The following DCHS1 variants were observed in gnomAD, a reference collection of about 807,000 sequenced individuals.
DCHS1 encodes the protein protocadherin-16.
DCHS1 carries 78 observed loss-of-function variants against 213.9 expected under a neutral mutation model. The ratio of observed to expected loss-of-function variants is 0.36; its 90% CI spans 0.30 to 0.44. The LOEUF (loss-of-function observed/expected upper bound fraction) is 0.44. Among genes scored for constraint, DCHS1 ranks in the 20% least tolerant of loss-of-function variants. The probability of loss-of-function intolerance (pLI) is 1.00; values close to 1 mark genes in which losing one functional copy is unlikely to be tolerated. For missense variants in DCHS1, 3,946 were observed against 4,395.9 expected (o/e 0.90, Z 2.89); for synonymous variants, 1,828 against 1,873.7 (o/e 0.98, Z 0.63).
In DCHS1 at chr11:6,621,380, TGGGCAG is replaced by T. The variant is rs887467552; in HGVS notation, c.*393_*398del. ...CAGAGTGAGAAATGGCACTTGGTTC[TGGGCAG>T]GGGCAGGGGCAGGGGTGTCAGTGGA... On this transcript the variant is annotated 3_prime_UTR_variant, in exon 21 of 21. Transcript: ENST00000299441. The T allele has an allele frequency of 2.3e-5, 8 of 346,044 alleles. No individual in the cohort carries two copies. The highest frequency in any genetic ancestry group is 8.5e-5 in the African/African-American group (4 of 47,184). The allele number at this position is 346,044 out of a possible 1,614,324, so 21.4% of individuals were successfully genotyped here. A position where few individuals can be genotyped will look rare whatever the true frequency, so the allele number is the denominator to read the frequency against.
Position 6,649,583 on chromosome 11 carries a change from T to G in DCHS1, c.-121+5980A>C, listed in dbSNP as rs188529599. Among the ~76,000 whole-genome samples, 43 of 152,200 alleles carry G rather than the reference T, an allele frequency of 2.8e-4. No individual in the cohort carries two copies. In the East Asian group the frequency reaches 8.3e-3, roughly 29 times the overall value. ...GATAAATCTGTTATTCAACAAATAC[T>G]TGTTGAAGACTTACCATGTGCCAAA... On this transcript the variant is annotated intron_variant, in intron 1 of 20. Transcript: ENST00000299441.
chr11:6,653,470 G>A (rs187772801), intron 1 of DCHS1, among the ~76,000 whole-genome samples: 2 of 152,316 alleles, frequency 1.3e-5, no homozygotes, highest in Admixed American at 6.5e-5. Context: ...TCATCACAAT[G>A]CCTAGCAGAG....
At position 6,629,907 on chromosome 11, in the gene DCHS1, C is replaced by T; in HGVS notation, c.4800G>A (p.Ala1600=). The change falls in exon 11 of 21, where the codon GCG becomes GCA. Residue 1600 remains alanine, a synonymous_variant. Transcript: ENST00000299441. Reference sequence around the variant, plus strand: ...GGTCCAACGGCCGCACCACGGACAGCGCTCCTAGGTGAGCGGTAAGGCAGG... The same window carrying T: ...GGTCCAACGGCCGCACCACGGACAGTGCTCCTAGGTGAGCGGTAAGGCAGG... ...GHFRLHSSTG[A]LSVVRPLDRE... is the part of the protein sequence containing the mutation. 6.8e-6 allele frequency: 11 copies of T among 1,611,316 alleles called. No homozygotes were observed. The highest frequency in any genetic ancestry group is 9.3e-6 in the Non-Finnish European group (11 of 1,178,354).
chr11:6,630,769 G>C lies in DCHS1; in HGVS notation c.4025C>G (p.Ala1342Gly). 5.2e-6 allele frequency: 8 copies of C among 1,547,256 alleles called. No individual in the cohort carries two copies. The highest frequency in any genetic ancestry group is 6.1e-6 in the Non-Finnish European group (7 of 1,147,370). Residue 1342 changes from alanine to glycine, a missense_variant, in exon 10 of 21, where the codon GCT becomes GGT. This residue lies in a region of DCHS1 where 3,384 missense variants were observed against 3,780.1 expected (regional missense o/e 0.90). Transcript: ENST00000299441. ...PVPVVLTVTA[A>G]EGLRPGSLLG... ...CAGAGAGCCGGGCCGCAGTCCCTCA[G>C]CTGCTGTCACCGTCAGCACGACAGG...
In DCHS1 at chr11:6,621,332, CA is replaced by C; in HGVS notation, c.*446del. ...ATAGAACAAAGCTGGAGACTGGATA[CA>C]AATTGCAGTTTATTAAGGCTCCAGA... is the stretch of plus-strand genomic sequence containing the variant. On this transcript the variant is annotated 3_prime_UTR_variant, in exon 21 of 21. Transcript: ENST00000299441. The C allele has an allele frequency of 3.4e-6, 1 of 289,878 alleles. No individual in the cohort carries two copies. 18.0% of individuals were successfully genotyped at this position (289,878 alleles called of 1,614,324 possible).
At position 6,626,646 on chromosome 11, in the gene DCHS1, G is replaced by T. The variant is rs1335719744; in HGVS notation, c.6270C>A (p.Pro2090=). 2 of 1,613,804 alleles carry T rather than the reference G, an allele frequency of 1.2e-6. No individual in the cohort carries two copies. Among genetic ancestry groups the T allele is most frequent in the Non-Finnish European group, 8.5e-7 (1 of 1,179,872 alleles). The change falls in exon 15 of 21, where the codon CCC becomes CCA. Residue 2090 remains proline (P), a synonymous_variant. Coordinates refer to ENST00000299441, the MANE Select transcript of DCHS1 (RefSeq NM_003737.4). This position sits in a 1 kb window ranked among gnomAD's most constrained non-coding sequence, Gnocchi z 5.2. Reference sequence around the variant, plus strand: ...TTGTGCCTCCTGCATGGACGGCCCTGGGGGAGACAATAGGAGTCCCTGCAG... The same window carrying T: ...TTGTGCCTCCTGCATGGACGGCCCTTGGGGAGACAATAGGAGTCCCTGCAG... The part of the protein sequence containing the change: ...NAPPGTPIVS[P]RAVHAGGTNG...
chr11:6,639,857 G>A lies in DCHS1; in HGVS notation c.1757C>T (p.Ser586Leu), dbSNP rs779625894. 1.2e-6 allele frequency: 2 copies of A among 1,610,952 alleles called. No individual in the cohort carries two copies. The highest frequency in any genetic ancestry group is 1.1e-5 in the South Asian group (1 of 90,774). ...PQFQRTFYNASLPEGTQPGTC... is the reference protein window; with the variant it reads ...PQFQRTFYNALLPEGTQPGTC... ...TCCAGGCTGGGTGCCCTCAGGCAGT[G>A]AGGCATTGTAGAAAGTCCTCTGGAA... The change falls in exon 2 of 21, where the codon TCA becomes TTA. Residue 586 changes from serine to leucine, a missense_variant. Around this residue, in one of 3 missense-constraint regions of DCHS1, gnomAD observed 3,384 missense variants for 3,780.1 expected, o/e 0.90. Coordinates refer to ENST00000299441, the MANE Select transcript of DCHS1 (RefSeq NM_003737.4).
chr11:6,651,479 T>C lies in DCHS1; in HGVS notation c.-121+4084A>G, dbSNP rs528686430. ...CATAACCTTTGTTAAAAAGAAAAGA[T>C]TTTGTTCAAGGAAAATGGAAGGCAT... On this transcript the variant is annotated intron_variant, in intron 1 of 20. Coordinates refer to ENST00000299441, the MANE Select transcript of DCHS1 (RefSeq NM_003737.4). 4.6e-5 allele frequency among the ~76,000 whole-genome samples: 7 copies of C among 152,148 alleles called. No homozygotes were observed. The South Asian group carries it at 1.2e-3, about 27-fold the overall frequency.
rs375813272 is a variant in DCHS1, at chr11:6,644,562, A to T, written c.-120-2829T>A. ...GGTAAACACTGACAATAAATTGCACAGCAGCCTCGATTTGTTCATGTGTCT... is the reference window on the plus strand; with the variant it reads ...GGTAAACACTGACAATAAATTGCACTGCAGCCTCGATTTGTTCATGTGTCT... On this transcript the variant is annotated intron_variant, in intron 1 of 20. Transcript: ENST00000299441. 1.2e-4 allele frequency among the ~76,000 whole-genome samples: 19 copies of T among 152,382 alleles called. No individual in the cohort carries two copies. In the South Asian group the frequency reaches 3.5e-3, roughly 28 times the overall value.
rs1482556791 is a variant in DCHS1, at chr11:6,624,978, T to G, written c.7147-110A>C. On this transcript the variant is annotated intron_variant, in intron 19 of 20. Transcript: ENST00000299441. ...TGCCCTGCTTGGCGTCTATTCCAAC[T>G]TGGAGCCCCTACTCCTAAGTATTCG... 2.7e-6 allele frequency: 4 copies of G among 1,494,182 alleles called. No homozygotes were observed. In the East Asian group the frequency reaches 9.6e-5, roughly 36 times the overall value. 92.6% of individuals were successfully genotyped at this position (1,494,182 alleles called of 1,614,324 possible).
chr11:6,640,814 C>A lies in DCHS1; in HGVS notation c.800G>T (p.Ser267Ile), dbSNP rs766255028. 1.9e-6 allele frequency: 3 copies of A among 1,614,064 alleles called. No homozygotes were observed. The highest frequency in any genetic ancestry group is 2.5e-6 in the Non-Finnish European group (3 of 1,179,904). Residue 267 changes from serine (S) to isoleucine (I), a missense_variant, in exon 2 of 21, where the codon AGC (serine) becomes ATC (isoleucine). By Grantham distance (142) the Ser-to-Ile change is moderately radical. Around this residue, in one of 3 missense-constraint regions of DCHS1, gnomAD observed 3,384 missense variants for 3,780.1 expected, o/e 0.90. Transcript: ENST00000299441. This position sits in a 1 kb window ranked among gnomAD's most constrained non-coding sequence, Gnocchi z 6.5. ...CAAGACAGGACTGCCAGGGGCCAGGCTCTCAGACACCACAGCATGGTAGCG... is the reference window on the plus strand; with the variant it reads ...CAAGACAGGACTGCCAGGGGCCAGGATCTCAGACACCACAGCATGGTAGCG... Reference protein sequence around the residue: ...QSRYHAVVSESLAPGSPVLQV... With the variant: ...QSRYHAVVSEILAPGSPVLQV...
At chr11:6,637,054 G>C (rs1250302751) in intron 2 of DCHS1, among the ~76,000 whole-genome samples, 1 of 152,168 alleles carries the variant, frequency 6.6e-6, no homozygotes, top group Non-Finnish European at 1.5e-5. Flanking sequence ...ATCAACCAGG[G>C]ATTAAGTAAG....
At chr11:6,644,606 G>T (rs1344571241) in intron 1 of DCHS1, among the ~76,000 whole-genome samples, 1 of 152,216 alleles carries the variant, frequency 6.6e-6, no homozygotes, top group Non-Finnish European at 1.5e-5. Flanking sequence ...CACTGGATTG[G>T]AGACTCCTTG....
At chr11:6,654,982 G>A (rs1210101965) in intron 1 of DCHS1, among the ~76,000 whole-genome samples, 1 of 129,080 alleles carries the variant, frequency 7.7e-6, no homozygotes, top group Non-Finnish European at 1.6e-5. Context: ...CTCAGAACAC[G>A]TCTGGGTGAC....
Position 6,628,598 on chromosome 11 carries a change from A to C in DCHS1, c.5371+23T>G. 6.2e-7 allele frequency: 1 copy of C among 1,613,194 alleles called. No homozygotes were observed. ...AACCAGGCAAGTGGGTGCTGAATTA[A>C]GTGGGAGTGGGAAGGTTCTCACCTA... On this transcript the variant is annotated intron_variant, in intron 13 of 20. Transcript: ENST00000299441. The surrounding 1 kb of genome is among the most constrained non-coding windows in gnomAD (Gnocchi z 4.3).
chr11:6,644,034 C>A (rs1446959751), intron 1 of DCHS1, among the ~76,000 whole-genome samples: 1 of 152,234 alleles, frequency 6.6e-6, no homozygotes, highest in Non-Finnish European at 1.5e-5. Context: ...CCGAACATCT[C>A]TCCTTGTGAT....
chr11:6,633,332 A>C, intron 5 of DCHS1, 80 bp downstream of exon 5: 4 of 1,397,654 alleles, frequency 2.9e-6, no homozygotes, highest in Non-Finnish European at 3.9e-6. Flanking sequence ...GTGATACTCT[A>C]AGGTATCTTC....
intron 1 of DCHS1, among the ~76,000 whole-genome samples, chr11:6,645,002 G>A (rs961731445): frequency 6.6e-6 from 1 of 152,232 alleles, no homozygotes; most frequent in South Asian, 2.1e-4. Flanking sequence ...TTGGAGCTTG[G>A]ACTGGGTTTG....
chr11:6,648,296 T>C (rs536048269), intron 1 of DCHS1, among the ~76,000 whole-genome samples: 2 of 152,214 alleles, frequency 1.3e-5, no homozygotes, highest in African/African-American at 2.4e-5. Flanking sequence ...CATTAAGCAG[T>C]AGGTTGAAGA....
Sources: gnomAD v4.1 joint callset for allele counts (sites outside exome capture counted in the v4.1 genomes callset) on GRCh38, gnomAD v4.1.1 for gene constraint, gnomAD v4.1.1 regional missense constraint, Gnocchi (gnomAD v3.1) non-coding constraint, MANE v1.5 for transcripts, NCBI Gene and HGNC (gene_info 2026-07-23, HGNC 2026-07-21) for gene names.